Variants in CSMD1 observed in about 807,000 individuals in gnomAD.
The protein encoded by CSMD1 is CUB and Sushi multiple domains 1.
A neutral mutation model predicts 417.5 loss-of-function variants in CSMD1; 213 were observed. The observed-to-expected ratio is 0.51, with a 90% CI of 0.46 to 0.57. The LOEUF is 0.57. Ranked by LOEUF, CSMD1 falls within the 20% of genes least tolerant of loss-of-function variation. The pLI is 0.00. For synonymous variants in CSMD1, 2,862 were observed against 1,736.8 expected, an observed-to-expected ratio of 1.65 and a Z score of -16.11; for missense variants, 6,923 against 4,529.7, an observed-to-expected ratio of 1.53 and a Z score of -15.17.
intron 1 of CSMD1, among the ~76,000 whole-genome samples, chr8:4,732,115 G>A (rs966845837): frequency 6.6e-6 from 1 of 152,010 alleles, no homozygotes; most frequent in African/African-American, 2.4e-5. Context: ...TTTCACAGAT[G>A]GCAAGTCTGA....
chr8:3,279,889 G>A (rs1288922752), intron 26 of CSMD1, among the ~76,000 whole-genome samples: 1 of 152,116 alleles, frequency 6.6e-6, no homozygotes, highest in Non-Finnish European at 1.5e-5. Context: ...ACCTCCACCT[G>A]GTCCCACCCT....
At chr8:4,888,487 A>G (rs1288926972) in intron 1 of CSMD1, among the ~76,000 whole-genome samples, 10 of 151,898 alleles carry the variant, frequency 6.6e-5, no homozygotes, top group Admixed American at 4.6e-4. Flanking sequence ...ACACATACAG[A>G]AGGATAGACT....
chr8:3,711,900 C>G (rs1045297928), intron 6 of CSMD1, among the ~76,000 whole-genome samples: 4 of 152,108 alleles, frequency 2.6e-5, no homozygotes, highest in Non-Finnish European at 5.9e-5. Context: ...ACAGATAAGA[C>G]AAACAGAGAT....
intron 1 of CSMD1, among the ~76,000 whole-genome samples, chr8:4,935,890 C>T (rs774639520): frequency 8.5e-5 from 13 of 152,208 alleles, no homozygotes; most frequent in African/African-American, 3.1e-4. Flanking sequence ...AATTTCTGGG[C>T]TGTCTTCCTC....
At chr8:4,902,744 T>C (rs1253530952) in intron 1 of CSMD1, among the ~76,000 whole-genome samples, 1 of 152,040 alleles carries the variant, frequency 6.6e-6, no homozygotes, top group Non-Finnish European at 1.5e-5. Flanking sequence ...GGAAAATGTG[T>C]CTCCCTCTGG....
chr8:3,968,430 C>T (rs189238375), intron 5 of CSMD1, among the ~76,000 whole-genome samples: 1 of 152,270 alleles, frequency 6.6e-6, no homozygotes, highest in East Asian at 1.9e-4. Context: ...CATGGACACA[C>T]ACTCAGCAAC....
intron 3 of CSMD1, among the ~76,000 whole-genome samples, chr8:4,402,189 T>G (rs1804690350): frequency 6.6e-6 from 1 of 152,130 alleles, no homozygotes; most frequent in African/African-American, 2.4e-5. Flanking sequence ...TCTCCAAAAT[T>G]GCGACTTTCT....
chr8:4,942,729 A>G (rs1030304006), intron 1 of CSMD1, among the ~76,000 whole-genome samples: 1 of 152,206 alleles, frequency 6.6e-6, no homozygotes, highest in African/African-American at 2.4e-5. Flanking sequence ...AGAATCCAAT[A>G]CCGACCTTCA....
intron 20 of CSMD1, among the ~76,000 whole-genome samples, chr8:3,361,877 G>T (rs1809207651): frequency 6.6e-6 from 1 of 152,128 alleles, no homozygotes; most frequent in African/African-American, 2.4e-5. Context: ...TAGAAGGTGT[G>T]TGTTAGTTGT....
At chr8:4,840,713 C>T (rs1800793540) in intron 1 of CSMD1, among the ~76,000 whole-genome samples, 1 of 152,168 alleles carries the variant, frequency 6.6e-6, no homozygotes, top group South Asian at 2.1e-4. Context: ...ACTTTTTTAT[C>T]TTCTGAAGAC....
chr8:4,321,673 A>C (rs1209763813), intron 3 of CSMD1, among the ~76,000 whole-genome samples: 1 of 152,214 alleles, frequency 6.6e-6, no homozygotes, highest in Non-Finnish European at 1.5e-5. Flanking sequence ...AGAGCTGTTC[A>C]ACATTCCTAA....
chr8:4,015,782 T>C (rs1796493597), intron 4 of CSMD1, among the ~76,000 whole-genome samples: 1 of 152,128 alleles, frequency 6.6e-6, no homozygotes, highest in Non-Finnish European at 1.5e-5. Flanking sequence ...TAAATGTATG[T>C]GTTCAGACAA....
intron 62 of CSMD1, among the ~76,000 whole-genome samples, 182 bp downstream of exon 62, chr8:2,960,959 T>TATATATATATATATATATAC (rs1563182766): frequency 4.3e-4 from 56 of 131,628 alleles, no homozygotes; most frequent in Non-Finnish European, 6.3e-4. Flanking sequence ...TATATATATA[T>TATATATATATATATATATAC]ATATATACAT....
chr8:3,505,465 A>G (rs754008373), intron 10 of CSMD1, among the ~76,000 whole-genome samples: 4 of 152,316 alleles, frequency 2.6e-5, no homozygotes, highest in Non-Finnish European at 5.9e-5. Context: ...TTCACGACTG[A>G]TTAAAGAGTT....
intron 5 of CSMD1, among the ~76,000 whole-genome samples, chr8:3,858,610 G>A (rs1378937663): frequency 3.3e-5 from 5 of 152,126 alleles, no homozygotes; most frequent in Non-Finnish European, 5.9e-5. Context: ...CCAAGTTCTC[G>A]AAGGCCTATT....
At chr8:3,215,991 A>G (rs114640389) in intron 29 of CSMD1, among the ~76,000 whole-genome samples, 492 of 149,652 alleles carry the variant, frequency 3.3e-3, no homozygotes, top group African/African-American at 0.012. Context: ...ATAATAATGT[A>G]TTATATTTAA....
intron 1 of CSMD1, among the ~76,000 whole-genome samples, chr8:4,854,490 C>T (rs1801674383): frequency 6.6e-6 from 1 of 152,146 alleles, no homozygotes; most frequent in Admixed American, 6.5e-5. Context: ...TCTGTATTTC[C>T]ATCTGAGGTA....
At chr8:3,061,958 T>C (rs1041388505) in intron 49 of CSMD1, among the ~76,000 whole-genome samples, 6 of 152,186 alleles carry the variant, frequency 3.9e-5, no homozygotes, top group African/African-American at 7.2e-5. Flanking sequence ...TGACGAAGCC[T>C]GCCTTTCAGT....
At chr8:3,598,759 T>C (rs1322946012) in intron 8 of CSMD1, among the ~76,000 whole-genome samples, 1 of 152,082 alleles carries the variant, frequency 6.6e-6, no homozygotes, top group Non-Finnish European at 1.5e-5. Context: ...CCGCCCCTTC[T>C]TTTGAGAACA....
Sources: gnomAD v4.1 joint callset for allele counts (sites outside exome capture counted in the v4.1 genomes callset) on GRCh38, gnomAD v4.1.1 for gene constraint, MANE v1.5 for transcripts, NCBI Gene and HGNC (gene_info 2026-07-23, HGNC 2026-07-21) for gene names.